The following RETREG1 variants were observed in gnomAD, a reference collection of about 807,000 sequenced individuals.
RETREG1 encodes family with sequence similarity 134 member B.
RETREG1 carries 44 observed loss-of-function variants against 54.8 expected under a neutral mutation model. That is an observed-to-expected ratio of 0.80 (90% CI 0.63 to 1.03). The LOEUF (loss-of-function observed/expected upper bound fraction) is 1.03, where lower values mean the gene tolerates loss of function less well. Among genes scored for constraint, RETREG1 ranks in the 50% least tolerant of loss-of-function variants. RETREG1 has a pLI of 0.00. For synonymous variants in RETREG1, 217 were observed against 238.5 expected, an observed-to-expected ratio of 0.91 and a Z score of 0.83; for missense variants, 554 against 605.1, an observed-to-expected ratio of 0.92 and a Z score of 0.89.
rs162851 is a variant in RETREG1 at position 16,477,452 on chromosome 5, A to T, written c.1000+210T>A. Among the ~76,000 whole-genome samples the T allele has an allele frequency of 0.013, 1,950 of 152,292 alleles. 51 individuals are homozygous for T. The highest frequency in any genetic ancestry group is 0.044 in the African/African-American group (1,836 of 41,546). On this transcript the variant is annotated intron_variant, in intron 8 of 8. Coordinates refer to ENST00000306320, the MANE Select transcript of RETREG1 (RefSeq NM_001034850.3). ...GCATTTCATATAAATGGAATTACAC[A>T]GTATGTGGCATTTTGTGTCTGGCTT...
At chr5:16,530,639 G>A (rs967600338) in intron 3 of RETREG1, among the ~76,000 whole-genome samples, 11 of 152,246 alleles carry the variant, frequency 7.2e-5, no homozygotes, top group Non-Finnish European at 8.8e-5. Flanking sequence ...TTGGGAGGCC[G>A]AGATGAGTGG....
intron 1 of RETREG1, among the ~76,000 whole-genome samples, chr5:16,578,441 A>G (rs1742395188): frequency 6.6e-6 from 1 of 152,246 alleles, no homozygotes; most frequent in African/African-American, 2.4e-5. Context: ...GTAATTGAAC[A>G]AAATTGTTTC....
chr5:16,558,272 A>G (rs1741765427), intron 3 of RETREG1, among the ~76,000 whole-genome samples: 1 of 152,016 alleles, frequency 6.6e-6, no homozygotes, highest in Non-Finnish European at 1.5e-5. Flanking sequence ...AAAAAAAATA[A>G]AACAAACAAC....
intron 1 of RETREG1, among the ~76,000 whole-genome samples, chr5:16,586,964 T>C (rs1007145933): frequency 6.6e-6 from 1 of 152,126 alleles, no homozygotes; most frequent in Non-Finnish European, 1.5e-5. Context: ...CTCTCTGGGG[T>C]CTCTTTTAAA....
At chr5:16,556,894 A>G (rs1741725536) in intron 3 of RETREG1, among the ~76,000 whole-genome samples, 3 of 152,144 alleles carry the variant, frequency 2.0e-5, no homozygotes, top group Admixed American at 2.0e-4. Context: ...CAGTGGCACC[A>G]TCTTGGCTCA....
chr5:16,531,198 C>T (rs1436987252), intron 3 of RETREG1, among the ~76,000 whole-genome samples: 1 of 152,068 alleles, frequency 6.6e-6, no homozygotes. Context: ...TATTCTTATC[C>T]TATAGCACAG....
chr5:16,569,494 C>G (rs540852481), intron 2 of RETREG1, among the ~76,000 whole-genome samples: 24 of 152,234 alleles, frequency 1.6e-4, no homozygotes, highest in Middle Eastern at 3.4e-3. Flanking sequence ...TCAACACGGA[C>G]TGACCCAGGA....
At chr5:16,489,857 T>C (rs1002507242) in intron 3 of RETREG1, among the ~76,000 whole-genome samples, 3 of 152,218 alleles carry the variant, frequency 2.0e-5, no homozygotes, top group African/African-American at 4.8e-5. Context: ...GGATTGGATA[T>C]ATGAGGAGAG....
At chr5:16,504,654 T>C (rs4702149) in intron 3 of RETREG1, among the ~76,000 whole-genome samples, 141,099 of 152,182 alleles carry the variant, frequency 0.93, 65,592 homozygotes, top group African/African-American at 0.97. Flanking sequence ...CAGCCATATA[T>C]GTACGTATCT....
intron 3 of RETREG1, among the ~76,000 whole-genome samples, chr5:16,527,889 A>G (rs1740772605): frequency 7.3e-6 from 1 of 137,596 alleles, no homozygotes; most frequent in Non-Finnish European, 1.5e-5. Flanking sequence ...GGCTCACTGC[A>G]AGCTCCGCCT....
At chr5:16,522,722 G>A (rs916825035) in intron 3 of RETREG1, among the ~76,000 whole-genome samples, 1 of 152,072 alleles carries the variant, frequency 6.6e-6, no homozygotes, top group Non-Finnish European at 1.5e-5. Context: ...AATAATATTG[G>A]GGCCGGGTGC....
intron 3 of RETREG1, among the ~76,000 whole-genome samples, chr5:16,506,566 C>A (rs372329207): frequency 2.6e-5 from 4 of 151,740 alleles, no homozygotes; most frequent in Non-Finnish European, 5.9e-5. Flanking sequence ...CTCCACCTCC[C>A]GGGCTCAGGT....
chr5:16,569,525 C>T (rs1394508688), intron 2 of RETREG1, among the ~76,000 whole-genome samples: 1 of 152,066 alleles, frequency 6.6e-6, no homozygotes, highest in Non-Finnish European at 1.5e-5. Flanking sequence ...CCCATGTGGC[C>T]CTGATGACAT....
intron 3 of RETREG1, among the ~76,000 whole-genome samples, chr5:16,556,545 T>C (rs1741714157): frequency 6.6e-6 from 1 of 152,118 alleles, no homozygotes; most frequent in African/African-American, 2.4e-5. Flanking sequence ...TAAAGGAATG[T>C]CAAAAACGAT....
At chr5:16,525,551 C>T (rs951416458) in intron 3 of RETREG1, among the ~76,000 whole-genome samples, 5 of 152,160 alleles carry the variant, frequency 3.3e-5, no homozygotes, top group Non-Finnish European at 7.3e-5. Context: ...GGGAAACAGG[C>T]TTAATCGGAT....
At chr5:16,522,060 CAG>C (rs1740549323) in intron 3 of RETREG1, among the ~76,000 whole-genome samples, 1 of 151,636 alleles carries the variant, frequency 6.6e-6, no homozygotes, top group Non-Finnish European at 1.5e-5. Context: ...GAGATTGCCT[CAG>C]ACACTGAAAG....
At chr5:16,608,901 G>A (rs1341596431) in intron 1 of RETREG1, among the ~76,000 whole-genome samples, 1 of 152,154 alleles carries the variant, frequency 6.6e-6, no homozygotes, top group Non-Finnish European at 1.5e-5. Context: ...AAAAAAGTAA[G>A]CCCTAATAGT....
At chr5:16,541,732 G>A (rs1025375319) in intron 3 of RETREG1, among the ~76,000 whole-genome samples, 14 of 129,046 alleles carry the variant, frequency 1.1e-4, no homozygotes, top group Non-Finnish European at 3.2e-5. Context: ...GAGAAGAGAG[G>A]GAGGGAGGGA....
At chr5:16,515,099 T>C (rs902379926) in intron 3 of RETREG1, among the ~76,000 whole-genome samples, 2 of 151,978 alleles carry the variant, frequency 1.3e-5, no homozygotes, top group African/African-American at 4.8e-5. Context: ...TAATAGCTTC[T>C]TTTCCTCTGG....
Sources: gnomAD v4.1 joint callset for allele counts (sites outside exome capture counted in the v4.1 genomes callset) on GRCh38, gnomAD v4.1.1 for gene constraint, MANE v1.5 for transcripts, NCBI Gene and HGNC (gene_info 2026-07-23, HGNC 2026-07-21) for gene names.